Variants in KIAA1549 observed in about 807,000 individuals in gnomAD.
The protein encoded by KIAA1549 is KIAA1549.
KIAA1549 carries 70 observed loss-of-function variants against 156.4 expected under a neutral mutation model. That is an observed-to-expected ratio of 0.45 (90% confidence interval 0.37 to 0.55). The LOEUF (loss-of-function observed/expected upper bound fraction) is 0.55. KIAA1549 is among the 20% of genes least tolerant of loss of function. KIAA1549 has a pLI of 0.00. For missense variants in KIAA1549, 2,428 were observed against 2,540.9 expected (o/e 0.96, Z 0.96); for synonymous variants, 1,103 against 1,066.4 (o/e 1.03, Z -0.67).
At chr7:138,901,743 T>C (rs1811850290) in intron 8 of KIAA1549, among the ~76,000 whole-genome samples, 1 of 152,244 alleles carries the variant, frequency 6.6e-6, no homozygotes, top group Non-Finnish European at 1.5e-5. Context: ...GGACATGTAG[T>C]TGTTTCAACA....
chr7:138,856,811 G>A (rs998341171), intron 16 of KIAA1549, among the ~76,000 whole-genome samples: 1 of 152,206 alleles, frequency 6.6e-6, no homozygotes, highest in Non-Finnish European at 1.5e-5. Context: ...ACACCCCAAT[G>A]TCTGGTTAAA....
chr7:138,867,897 G>T, intron 15 of KIAA1549, 78 bp downstream of exon 15: 1 of 1,493,260 alleles, frequency 6.7e-7, no homozygotes, highest in Non-Finnish European at 9.2e-7. Context: ...CAGTGCTGCT[G>T]CTTCTCCTCC....
chr7:138,894,841 A>G (rs1009375709), intron 9 of KIAA1549, among the ~76,000 whole-genome samples: 6 of 152,160 alleles, frequency 3.9e-5, no homozygotes, highest in Admixed American at 3.3e-4. Context: ...GTAACTTATC[A>G]CTGCAGGATA....
chr7:138,880,752 G>A (rs1484160848), intron 11 of KIAA1549, among the ~76,000 whole-genome samples: 2 of 152,152 alleles, frequency 1.3e-5, no homozygotes, highest in Non-Finnish European at 2.9e-5. Flanking sequence ...GGTGAGAAGG[G>A]GCTTCCAGGT....
intron 1 of KIAA1549, among the ~76,000 whole-genome samples, chr7:138,923,455 C>A (rs1812620634): frequency 6.6e-6 from 1 of 152,086 alleles, no homozygotes; most frequent in African/African-American, 2.4e-5. Flanking sequence ...AAAAAATTTG[C>A]TGGGTGTGGT....
intron 10 of KIAA1549, 22 bp from the exon 11 acceptor site, chr7:138,881,606 AC>A (rs1467421281): frequency 6.3e-7 from 1 of 1,598,084 alleles, no homozygotes; most frequent in Non-Finnish European, 8.5e-7. Context: ...ACACACACAA[AC>A]AAGATTGTTA....
At chr7:138,959,214 A>G (rs961233756) in intron 1 of KIAA1549, among the ~76,000 whole-genome samples, 8 of 152,326 alleles carry the variant, frequency 5.3e-5, no homozygotes, top group East Asian at 3.9e-4. Context: ...TGACCTTAAT[A>G]TAACTCCAAA....
At chr7:138,890,605 G>C (rs536116742) in intron 10 of KIAA1549, among the ~76,000 whole-genome samples, 94 of 152,324 alleles carry the variant, frequency 6.2e-4, no homozygotes, top group Admixed American at 1.5e-3. Flanking sequence ...CACCCGGCAC[G>C]GTCAGCCAGC....
In KIAA1549 at chr7:138,918,134, T is replaced by G; in HGVS notation, c.1492A>C (p.Met498Leu). Residue 498 changes from methionine (M) to leucine (L), a missense_variant, in exon 2 of 20, where the codon ATG (methionine) becomes CTG (leucine). Met to Leu is a conservative substitution (Grantham distance 15). Around this residue, in one of 5 missense-constraint regions of KIAA1549, gnomAD observed 893 missense variants for 847.9 expected, o/e 1.05. Transcript: ENST00000422774. This position sits in a 1 kb window ranked among gnomAD's most constrained non-coding sequence, Gnocchi z 4.2. ...RPIVPLSSRS[M>L]EISETSVGIS... ...CCAACACTCGTCTCTGAGATTTCCA[T>G]GGATCTAGAAGAAAGTGGGACGATA... The G allele has an allele frequency of 6.2e-7, 1 of 1,613,938 alleles. No homozygotes were observed. Among genetic ancestry groups the G allele is most frequent in the South Asian group, 1.1e-5 (1 of 91,062 alleles).
In KIAA1549 at chr7:138,917,511, G is replaced by A. The variant is rs778189925; in HGVS notation, c.2115C>T (p.Asn705=). The change falls in exon 2 of 20, where the codon AAC becomes AAT. Residue 705 remains asparagine, a synonymous_variant. Coordinates refer to ENST00000422774, the MANE Select transcript of KIAA1549 (RefSeq NM_001164665.2). The part of the protein sequence containing the change: ...QLQPSSELPL[N]TIMLLPSRSE... ...AACGGCTAGGTAGCAACATGATGGTGTTTAAAGGCAGCTCGGAACTTGGCT... is the reference window on the plus strand; with the variant it reads ...AACGGCTAGGTAGCAACATGATGGTATTTAAAGGCAGCTCGGAACTTGGCT... The A allele has an allele frequency of 1.2e-6, 2 of 1,613,744 alleles. No homozygotes were observed. The highest frequency in any genetic ancestry group is 1.1e-5 in the South Asian group (1 of 91,070).
intron 17 of KIAA1549, among the ~76,000 whole-genome samples, chr7:138,848,126 AC>A (rs1211152567): frequency 6.6e-6 from 1 of 152,240 alleles, no homozygotes; most frequent in Non-Finnish European, 1.5e-5. Context: ...AGGATTTGCT[AC>A]TACAGAATTA....
rs561312904 is a variant in KIAA1549, at chr7:138,836,150, GTTAT to G, written c.*1752_*1755del. On this transcript the variant is annotated 3_prime_UTR_variant, in exon 20 of 20. Transcript: ENST00000422774. ...CCCCAAATTCTATAGCCCCTTATCTGTTATTTAATGAAAAGTACAGTCATGCACA... is the reference window on the plus strand; with the variant it reads ...CCCCAAATTCTATAGCCCCTTATCTGTTAATGAAAAGTACAGTCATGCACA... 4.7e-6 allele frequency: 1 copy of G among 210,744 alleles called. No homozygotes were observed. Among genetic ancestry groups the G allele is most frequent in the Non-Finnish European group, 9.6e-6 (1 of 104,038 alleles). 13.1% of individuals were successfully genotyped at this position (210,744 alleles called of 1,614,324 possible).
chr7:138,981,322 G>C lies in KIAA1549; in HGVS notation c.-53C>G, dbSNP rs1420674906. On this transcript the variant is annotated 5_prime_UTR_variant, in exon 1 of 20. Transcript: ENST00000422774. The surrounding 1 kb of genome is among the most constrained non-coding windows in gnomAD (Gnocchi z 4.5). Reference sequence around the variant, plus strand: ...GCGGCTCAGCGGCTCTCGGGTCCGGGAGGGGCGGCCGCTGCGGCTGCGGCT... The same window carrying C: ...GCGGCTCAGCGGCTCTCGGGTCCGGCAGGGGCGGCCGCTGCGGCTGCGGCT... 3.8e-6 allele frequency: 3 copies of C among 791,690 alleles called. No homozygotes were observed. The African/African-American group carries it at 5.7e-5, about 15-fold the overall frequency. The allele number at this position is 791,690 out of a possible 1,614,324, so 49.0% of individuals were successfully genotyped here. A position where few individuals can be genotyped will look rare whatever the true frequency, so the allele number is the denominator to read the frequency against.
At chr7:138,864,447 C>T (rs1185242711) in intron 15 of KIAA1549, among the ~76,000 whole-genome samples, 1 of 151,862 alleles carries the variant, frequency 6.6e-6, no homozygotes, top group East Asian at 1.9e-4. Flanking sequence ...TGTCCTTCAC[C>T]TTCTTGTTTT....
chr7:138,911,106 T>C, intron 4 of KIAA1549, 40 bp downstream of exon 4: 1 of 1,342,918 alleles, frequency 7.4e-7, no homozygotes, highest in Non-Finnish European at 1.0e-6. Flanking sequence ...AAAATGAAAT[T>C]CTTTTTACAA....
In KIAA1549 at chr7:138,861,181, C is replaced by T. The variant is rs1261380079; in HGVS notation, c.5205G>A (p.Gly1735=). The T allele has an allele frequency of 6.2e-7, 1 of 1,613,710 alleles. No homozygotes were observed. The highest frequency in any genetic ancestry group is 2.2e-5 in the East Asian group (1 of 44,880). Residue 1735 remains glycine, a synonymous_variant, in exon 16 of 20, where the codon GGG becomes GGA. Transcript: ENST00000422774. The part of the protein sequence containing the change: ...SQEERRATQW[G]SFYSPAQTAN... The stretch of plus-strand genomic sequence containing the variant: ...CCGTCTGGGCTGGGCTGTAGAAGGA[C>T]CCCCACTGGGTGGCTCGCCTCTCTT...
At chr7:138,899,915 C>T (rs914708754) in intron 8 of KIAA1549, among the ~76,000 whole-genome samples, 2 of 152,140 alleles carry the variant, frequency 1.3e-5, no homozygotes, top group East Asian at 1.9e-4. Flanking sequence ...CTTGACATAT[C>T]GTACCTTTTC....
chr7:138,904,880 C>A, intron 7 of KIAA1549, 142 bp downstream of exon 7: 1 of 584,592 alleles, frequency 1.7e-6, no homozygotes, highest in South Asian at 2.2e-5. Flanking sequence ...AATTTGAATC[C>A]CTTTCCATTC....
Position 138,919,012 on chromosome 7 carries a change from T to G in KIAA1549, c.614A>C (p.Asp205Ala). The G allele has an allele frequency of 6.2e-7, 1 of 1,614,042 alleles. No homozygotes were observed. Among genetic ancestry groups the G allele is most frequent in the Non-Finnish European group, 8.5e-7 (1 of 1,179,896 alleles). Reference protein sequence around the residue: ...TPSLPMVSLQDEEVTSGWQNT... With the variant: ...TPSLPMVSLQAEEVTSGWQNT... ...CTGCCAGCCCGATGTCACTTCTTCATCTTGTAAAGAAACCATGGGTAATGA... is the reference window on the plus strand; with the variant it reads ...CTGCCAGCCCGATGTCACTTCTTCAGCTTGTAAAGAAACCATGGGTAATGA... The change falls in exon 2 of 20, where the codon GAT (aspartate) becomes GCT (alanine). Residue 205 changes from aspartate to alanine, a missense_variant. Physicochemically the swap from Asp to Ala is moderately radical, Grantham distance 126 (BLOSUM62 -2). Transcript: ENST00000422774.
Sources: allele counts gnomAD v4.1 joint callset (sites outside exome capture counted in the v4.1 genomes callset), GRCh38; gene constraint gnomAD v4.1.1; regional missense constraint gnomAD v4.1.1; non-coding constraint Gnocchi (gnomAD v3.1); transcripts MANE v1.5; gene names NCBI Gene and HGNC (gene_info 2026-07-23, HGNC 2026-07-21).